Variants in SV2C observed in about 807,000 individuals in gnomAD.
SV2C encodes synaptic vesicle glycoprotein 2C.
SV2C carries 49 observed loss-of-function variants against 79.7 expected under a neutral mutation model. The ratio of observed to expected loss-of-function variants is 0.61; its 90% CI spans 0.49 to 0.78. The LOEUF is 0.78. Among genes scored for constraint, SV2C ranks in the 30% least tolerant of loss-of-function variants. SV2C has a pLI of 0.00. For missense variants in SV2C, 833 were observed against 912.9 expected, an observed-to-expected ratio of 0.91 and a Z score of 1.13; for synonymous variants, 334 against 333.2, an observed-to-expected ratio of 1.00 and a Z score of -0.03.
chr5:75,924,884 A>C, the SV2C span, among the ~76,000 whole-genome samples: 10 of 152,234 alleles, frequency 6.6e-5, no homozygotes, highest in Non-Finnish European at 1.2e-4. Flanking sequence ...GATATCTAGA[A>C]GCTAGTACAA....
At chr5:75,895,972 C>T in the SV2C span, among the ~76,000 whole-genome samples, 8 of 152,108 alleles carry the variant, frequency 5.3e-5, no homozygotes, top group African/African-American at 1.7e-4. Flanking sequence ...AATACATTTG[C>T]ACTATATACA....
At chr5:75,912,433 C>T in the SV2C span, among the ~76,000 whole-genome samples, 2,345 of 152,172 alleles carry the variant, frequency 0.015, 48 homozygotes, top group African/African-American at 0.05. Flanking sequence ...GTCAAGGCTG[C>T]AGTGGGGTGG....
chr5:76,131,619 A>G (rs1318656537), intron 1 of SV2C, 31 bp from the exon 2 acceptor site: 2 of 588,908 alleles, frequency 3.4e-6, no homozygotes, highest in East Asian at 3.0e-5. Context: ...GAAAGGAATA[A>G]TAAGTATCTC....
At position 76,127,626 on chromosome 5, in the gene SV2C, G is replaced by C. The variant is rs114353964; in HGVS notation, c.-101-4024G>C. Among the ~76,000 whole-genome samples the C allele has an allele frequency of 8.7e-3, 1,322 of 152,288 alleles. 20 individuals carry two copies. The highest frequency in any genetic ancestry group is 0.03 in the African/African-American group (1,250 of 41,564). ...TCCCTGGACCCCTTTCATCATCTCTGTGCTCTCCCCACTTGGCTTCAGTGT... is the reference window on the plus strand; with the variant it reads ...TCCCTGGACCCCTTTCATCATCTCTCTGCTCTCCCCACTTGGCTTCAGTGT... On this transcript the variant is annotated intron_variant, in intron 1 of 12. Coordinates refer to ENST00000502798, the MANE Select transcript of SV2C (RefSeq NM_014979.4).
intron 2 of SV2C, among the ~76,000 whole-genome samples, chr5:76,166,302 A>C (rs922657412): frequency 6.6e-6 from 1 of 152,170 alleles, no homozygotes; most frequent in African/African-American, 2.4e-5. Context: ...AAGCTTTTTC[A>C]TGGTGGGGAA....
chr5:76,248,307 G>A (rs1374276807), intron 4 of SV2C, among the ~76,000 whole-genome samples: 1 of 152,136 alleles, frequency 6.6e-6, no homozygotes, highest in Non-Finnish European at 1.5e-5. Context: ...CAAGGGGTTG[G>A]CAGGTTTGGT....
At chr5:75,872,335 T>C in the SV2C span, among the ~76,000 whole-genome samples, 4 of 152,008 alleles carry the variant, frequency 2.6e-5, no homozygotes, top group East Asian at 7.7e-4. Flanking sequence ...CCCAAATTAA[T>C]TTATAACTTC....
At chr5:76,084,824 G>C (rs1747123076) in intron 1 of SV2C, among the ~76,000 whole-genome samples, 4 of 152,008 alleles carry the variant, frequency 2.6e-5, no homozygotes, top group South Asian at 2.1e-4. Context: ...GCGGGGCAGA[G>C]GGGGGCGGGA....
At chr5:76,182,079 T>G (rs13164604) in intron 2 of SV2C, among the ~76,000 whole-genome samples, 14,597 of 152,112 alleles carry the variant, frequency 0.096, 883 homozygotes, top group Non-Finnish European at 0.13. Context: ...CCTCTCATTG[T>G]TCATATTCTC....
At chr5:76,250,963 C>A (rs1326975513) in intron 4 of SV2C, among the ~76,000 whole-genome samples, 2 of 152,064 alleles carry the variant, frequency 1.3e-5, no homozygotes, top group Non-Finnish European at 2.9e-5. Context: ...TGAAAACTAC[C>A]AGGTAGACCC....
At chr5:76,045,309 A>T in the SV2C span, among the ~76,000 whole-genome samples, 1 of 152,194 alleles carries the variant, frequency 6.6e-6, no homozygotes, top group African/African-American at 2.4e-5. Flanking sequence ...TGTTTTGGTT[A>T]CTGTAGCCTT....
the SV2C span, among the ~76,000 whole-genome samples, chr5:75,874,577 A>T: frequency 6.6e-6 from 1 of 152,188 alleles, no homozygotes; most frequent in African/African-American, 2.4e-5. Flanking sequence ...AAGGGAAAGA[A>T]ATAAAGCACA....
At chr5:76,079,579 T>G (rs905564752), upstream of SV2C, 8 of 323,626 alleles carry the variant, frequency 2.5e-5, no homozygotes, top group Non-Finnish European at 5.0e-5. Context: ...CATGAATGAA[T>G]GTATTGAAAC....
At chr5:75,879,160 C>T in the SV2C span, among the ~76,000 whole-genome samples, 1 of 152,166 alleles carries the variant, frequency 6.6e-6, no homozygotes, top group Non-Finnish European at 1.5e-5. Flanking sequence ...CCGGGAATTA[C>T]ATTTCAACAT....
At chr5:76,184,751 T>A (rs541457293) in intron 2 of SV2C, among the ~76,000 whole-genome samples, 1 of 152,246 alleles carries the variant, frequency 6.6e-6, no homozygotes, top group East Asian at 1.9e-4. Context: ...CCTTGACACG[T>A]GGGGATTATT....
At chr5:76,146,451 A>C (rs34253050) in intron 2 of SV2C, among the ~76,000 whole-genome samples, 5 of 152,208 alleles carry the variant, frequency 3.3e-5, no homozygotes, top group Admixed American at 3.3e-4. Context: ...ACTTCCTGAC[A>C]TTGCCATGGC....
chr5:76,096,066 T>G (rs1352324084), intron 1 of SV2C, among the ~76,000 whole-genome samples: 1 of 152,178 alleles, frequency 6.6e-6, no homozygotes, highest in Non-Finnish European at 1.5e-5. Flanking sequence ...GCTTTACATA[T>G]TCTATCTTTC....
chr5:76,260,207 T>G (rs1054124063), intron 4 of SV2C, among the ~76,000 whole-genome samples: 10 of 152,324 alleles, frequency 6.6e-5, no homozygotes, highest in Middle Eastern at 6.8e-3. Flanking sequence ...TGATGAGCTT[T>G]TTTTCCTATG....
At chr5:75,850,765 A>G in the SV2C span, among the ~76,000 whole-genome samples, 1 of 152,162 alleles carries the variant, frequency 6.6e-6, no homozygotes, top group Non-Finnish European at 1.5e-5. Flanking sequence ...GCAAGAAAGG[A>G]GCTGACTGCA....
Sources: allele counts gnomAD v4.1 joint callset (sites outside exome capture counted in the v4.1 genomes callset), GRCh38; gene constraint gnomAD v4.1.1; transcripts MANE v1.5; gene names NCBI Gene and HGNC (gene_info 2026-07-23, HGNC 2026-07-21).